RUFY1: variants seen among roughly 807,000 people sequenced by gnomAD.
The protein encoded by RUFY1 is RUN and FYVE domain-containing protein 1.
Under a neutral mutation model 94.6 loss-of-function variants are expected in RUFY1, and 54 were observed. That is an observed-to-expected ratio of 0.57 (90% CI 0.46 to 0.72). The LOEUF is 0.72. RUFY1 is among the 30% of genes least tolerant of loss of function. The pLI, the probability that RUFY1 is intolerant of heterozygous loss-of-function variation, is 0.00. For missense variants in RUFY1, 883 were observed against 883.9 expected, an observed-to-expected ratio of 1.00 and a Z score of 0.01; for synonymous variants, 396 against 347.3, an observed-to-expected ratio of 1.14 and a Z score of -1.56.
intron 2 of RUFY1, among the ~76,000 whole-genome samples, chr5:179,561,651 G>A (rs1265173366): frequency 6.8e-6 from 1 of 146,962 alleles, no homozygotes; most frequent in Non-Finnish European, 1.5e-5. Context: ...TAGTAGATGA[G>A]CCTATAAGGC....
Position 179,577,120 on chromosome 5 carries a change from C to T in RUFY1, c.874C>T (p.Leu292Phe), listed in dbSNP as rs774899120. The T allele has an allele frequency of 2.4e-6, 3 of 1,229,616 alleles. No individual in the cohort carries two copies. The East Asian group carries it at 9.3e-5, about 38-fold the overall frequency. 76.2% of individuals were successfully genotyped at this position (1,229,616 alleles called of 1,614,324 possible). A position where few individuals can be genotyped will look rare whatever the true frequency, so the allele number is the denominator to read the frequency against. Residue 292 changes from leucine to phenylalanine, a missense_variant, in exon 6 of 18, where the codon CTT becomes TTT. By Grantham distance (22) the Leu-to-Phe change is conservative. Coordinates refer to ENST00000319449, the MANE Select transcript of RUFY1 (RefSeq NM_025158.5). ...FSLYLKDVQD[L>F]DGGKEHERIT... The stretch of plus-strand genomic sequence containing the variant: ...CCTCTACCTTAAGGATGTGCAGGAT[C>T]TTGATGGTGGCAAGGAGTAAGTACT...
rs1762329984 is a variant in RUFY1 at position 179,560,135 on chromosome 5, G to C, written c.421G>C (p.Asp141His). The C allele has an allele frequency of 3.1e-6, 5 of 1,613,948 alleles. No individual in the cohort carries two copies. The highest frequency in any genetic ancestry group is 4.2e-6 in the Non-Finnish European group (5 of 1,180,010). Residue 141 changes from aspartate to histidine, a missense_variant, in exon 2 of 18, where the codon GAC (aspartate) becomes CAC (histidine). Asp to His is a moderately conservative substitution (Grantham distance 81). Transcript: ENST00000319449. The stretch of plus-strand genomic sequence containing the variant: ...GAGCCTGGGCCGCAGCCTGGATGCG[G>C]ACCATGCCCCCTTGCAGCAGTTCTT... Reference protein sequence around the residue: ...ALSLGRSLDADHAPLQQFFVV... With the variant: ...ALSLGRSLDAHHAPLQQFFVV...
intron 6 of RUFY1, 23 bp downstream of exon 6, chr5:179,577,159 C>CTT (rs748319712): frequency 0.013 from 2,457 of 186,506 alleles, 347 homozygotes; most frequent in South Asian, 0.021. Flanking sequence ...TTGTATGTCA[C>CTT]TTTTTTTTTT....
At position 179,569,460 on chromosome 5, in the gene RUFY1, C is replaced by T. The variant is rs773740679; in HGVS notation, c.828+35C>T. The T allele has an allele frequency of 5.0e-6, 8 of 1,608,446 alleles. No individual in the cohort carries two copies. In the East Asian group the frequency reaches 6.7e-5, roughly 13 times the overall value. ...AATTTTGGCTCTAGATGAACACTTT[C>T]GTTAGTCCAGGGACTTTACATAGGA... On this transcript the variant is annotated intron_variant, in intron 5 of 17. Coordinates refer to ENST00000319449, the MANE Select transcript of RUFY1 (RefSeq NM_025158.5).
intron 7 of RUFY1, among the ~76,000 whole-genome samples, chr5:179,585,357 A>G (rs1340280825): frequency 5.9e-5 from 9 of 152,126 alleles, no homozygotes; most frequent in Non-Finnish European, 1.0e-4. Flanking sequence ...GGGCAGCCTC[A>G]CCTGAGGTCA....
chr5:179,607,427 TTGA>T (rs1767217145), intron 16 of RUFY1, 152 bp from the exon 17 acceptor site: 1 of 674,018 alleles, frequency 1.5e-6, no homozygotes, highest in Non-Finnish European at 2.6e-6. Flanking sequence ...AAAGAGCCCC[TTGA>T]TGACAGTCCT....
chr5:179,593,736 CAT>C (rs773786454), intron 11 of RUFY1, 91 bp downstream of exon 11: 14 of 1,510,024 alleles, frequency 9.3e-6, no homozygotes, highest in African/African-American at 1.4e-5. Context: ...CGAGTAGACA[CAT>C]AGAGCCCCTC....
intron 5 of RUFY1, among the ~76,000 whole-genome samples, chr5:179,576,291 A>G (rs1763607002): frequency 6.6e-6 from 1 of 152,164 alleles, no homozygotes; most frequent in Non-Finnish European, 1.5e-5. Flanking sequence ...TTAGATGTGT[A>G]AGGGGTCTTG....
Position 179,591,614 on chromosome 5 carries a change from G to A in RUFY1, c.1129-11G>A. ...GCAAACAATTCCTCTTGGTGTCCTT[G>A]TTTGATACAGATAACAAAACAGGAT... On this transcript the variant is annotated splice_polypyrimidine_tract_variant and intron_variant, in intron 9 of 17. Coordinates refer to ENST00000319449, the MANE Select transcript of RUFY1 (RefSeq NM_025158.5). 4 of 1,560,208 alleles carry A rather than the reference G, an allele frequency of 2.6e-6. No homozygotes were observed. Among genetic ancestry groups the A allele is most frequent in the Non-Finnish European group, 3.5e-6 (4 of 1,134,888 alleles).
rs1179861680 is a variant in RUFY1 at position 179,598,827 on chromosome 5, G to GT, written c.1761+7dup. Reference sequence around the variant, plus strand: ...AAGTGGAAGGACTGAAAAAGGTGAGGTGGGCCATCCCGGGAGAGGAGAGCC... The same window carrying GT: ...AAGTGGAAGGACTGAAAAAGGTGAGGTTGGGCCATCCCGGGAGAGGAGAGCC... On this transcript the variant is annotated splice_region_variant and intron_variant, in intron 14 of 17. Transcript: ENST00000319449. The GT allele has an allele frequency of 8.1e-6, 13 of 1,614,034 alleles. No individual in the cohort carries two copies. Among genetic ancestry groups the GT allele is most frequent in the Non-Finnish European group, 1.1e-5 (13 of 1,180,032 alleles).
chr5:179,607,231 G>A (rs1562124008), intron 16 of RUFY1: 1 of 294,890 alleles, frequency 3.4e-6, no homozygotes, highest in Non-Finnish European at 6.5e-6. Context: ...TCTCAGGCAG[G>A]GTCTAGGGTT....
At position 179,550,586 on chromosome 5, in the gene RUFY1, G is replaced by C. The variant is rs758516685; in HGVS notation, c.17G>C (p.Gly6Ala). Residue 6 changes from glycine (G) to alanine (A), a missense_variant, in exon 1 of 18, where the codon GGC becomes GCC. Physicochemically the swap from Gly to Ala is moderately conservative, Grantham distance 60. Coordinates refer to ENST00000319449, the MANE Select transcript of RUFY1 (RefSeq NM_025158.5). Reference protein sequence around the residue: MADREGGCAAGRGREL... With the variant: MADREAGCAAGRGREL... ...ACGGCCAAGATGGCCGACCGGGAAG[G>C]CGGCTGCGCTGCTGGGCGGGGGCGG... 8.6e-7 allele frequency: 1 copy of C among 1,159,858 alleles called. No individual in the cohort carries two copies. The allele number at this position is 1,159,858 out of a possible 1,614,324, so 71.8% of individuals were successfully genotyped here. A position where few individuals can be genotyped will look rare whatever the true frequency, so the allele number is the denominator to read the frequency against.
chr5:179,560,823 C>CTG (rs1359851016), intron 2 of RUFY1, among the ~76,000 whole-genome samples: 1 of 151,794 alleles, frequency 6.6e-6, no homozygotes, highest in East Asian at 1.9e-4. Flanking sequence ...AAAAGTTAAC[C>CTG]TAATTTGCTA....
Position 179,562,625 on chromosome 5 carries a change from C to T in RUFY1, c.563C>T (p.Ser188Leu). ...GTGGAGAAACTTTGTCCAGAAGCATCAGATATAGCGACTAGTGTCAGAAAT... is the reference window on the plus strand; with the variant it reads ...GTGGAGAAACTTTGTCCAGAAGCATTAGATATAGCGACTAGTGTCAGAAAT... ...ELVEKLCPEA[S>L]DIATSVRNLP... The change falls in exon 3 of 18, where the codon TCA (serine) becomes TTA (leucine). Residue 188 changes from serine to leucine, a missense_variant. Transcript: ENST00000319449. 1 of 1,603,868 alleles carries T rather than the reference C, an allele frequency of 6.2e-7. No homozygotes were observed. The highest frequency in any genetic ancestry group is 8.5e-7 in the Non-Finnish European group (1 of 1,170,730).
At chr5:179,608,617 G>A in intron 17 of RUFY1, 1 of 985,400 alleles carries the variant, frequency 1.0e-6, no homozygotes. Context: ...TACAGCAAAA[G>A]TAAACTTTTT....
chr5:179,591,080 G>A (rs189131376), intron 9 of RUFY1: 2,744 of 152,386 alleles, frequency 0.018, 31 homozygotes, highest in Non-Finnish European at 0.026. Flanking sequence ...GTGATCTCCC[G>A]CCTTGGCCTT....
chr5:179,605,827 A>G, intron 15 of RUFY1, 49 bp from the exon 16 acceptor site: 106 of 1,104,528 alleles, frequency 9.6e-5, no homozygotes, highest in Middle Eastern at 2.0e-4. Flanking sequence ...AGGGATTCAG[A>G]GCCTCACTCT....
rs748319712 is a variant in RUFY1, at chr5:179,577,159, CTTTTTTTTTTTTTT to C, written c.890+40_890+53del. On this transcript the variant is annotated intron_variant, in intron 6 of 17. Coordinates refer to ENST00000319449, the MANE Select transcript of RUFY1 (RefSeq NM_025158.5). ...GGAGTAAGTACTGCGTTGTATGTCA[CTTTTTTTTTTTTTT>C]TTTTTTTTTTTTTTTTGAGACAGAA... 6.3e-3 allele frequency: 1,184 copies of C among 186,776 alleles called. 20 individuals carry two copies. In the African/African-American group the frequency reaches 0.068, roughly 11 times the overall value. The allele number at this position is 186,776 out of a possible 1,614,324, so 11.6% of individuals were successfully genotyped here.
rs765045004 is a variant in RUFY1, at chr5:179,589,667, T to C, written c.1128+20T>C. 1 of 1,524,628 alleles carries C rather than the reference T, an allele frequency of 6.6e-7. No homozygotes were observed. Among genetic ancestry groups the C allele is most frequent in the African/African-American group, 1.4e-5 (1 of 73,148 alleles). 94.4% of individuals were successfully genotyped at this position (1,524,628 alleles called of 1,614,324 possible). On this transcript the variant is annotated intron_variant, in intron 9 of 17. Transcript: ENST00000319449. ...GTAGAGGTGAGAAATTGACCTACATTTGGGCAGCATGTTTCTCACTCAGAC... is the reference window on the plus strand; with the variant it reads ...GTAGAGGTGAGAAATTGACCTACATCTGGGCAGCATGTTTCTCACTCAGAC...
Sources: allele counts gnomAD v4.1 joint callset (sites outside exome capture counted in the v4.1 genomes callset), GRCh38; gene constraint gnomAD v4.1.1; transcripts MANE v1.5; gene names NCBI Gene and HGNC (gene_info 2026-07-23, HGNC 2026-07-21).